Variants in BBS4 observed in about 807,000 individuals in gnomAD.
The protein encoded by BBS4 is Bardet-Biedl syndrome 4.
In BBS4, 58 loss-of-function variants were observed where a neutral mutation model predicts 71.4. That is an observed-to-expected ratio of 0.81 (90% CI 0.66 to 1.01). BBS4 has a LOEUF of 1.01. BBS4 is among the 50% of genes least tolerant of loss of function. The pLI, the probability that BBS4 is intolerant of heterozygous loss-of-function variation, is 0.00. For missense variants in BBS4, 660 were observed against 607.9 expected (o/e 1.09, Z -0.90); for synonymous variants, 228 against 216.8 (o/e 1.05, Z -0.46).
chr15:72,701,731 T>C (rs2065172518), intron 2 of BBS4, among the ~76,000 whole-genome samples: 1 of 152,230 alleles, frequency 6.6e-6, no homozygotes, highest in Non-Finnish European at 1.5e-5. Flanking sequence ...ACTGTAAGTA[T>C]GTATTTTTAA....
intron 4 of BBS4, among the ~76,000 whole-genome samples, chr15:72,714,648 T>C (rs145090794): frequency 3.5e-4 from 53 of 152,366 alleles, no homozygotes; most frequent in African/African-American, 1.2e-3. Flanking sequence ...TTTGTAGTCT[T>C]CAGATTAACA....
At chr15:72,734,162 G>A (rs2065878242) in intron 12 of BBS4, among the ~76,000 whole-genome samples, 1 of 152,158 alleles carries the variant, frequency 6.6e-6, no homozygotes, top group Non-Finnish European at 1.5e-5. Flanking sequence ...TATTAGACCT[G>A]CATGGTTTGC....
At chr15:72,720,925 A>G (rs371750227) in intron 6 of BBS4, among the ~76,000 whole-genome samples, 1 of 152,218 alleles carries the variant, frequency 6.6e-6, no homozygotes, top group Non-Finnish European at 1.5e-5. Flanking sequence ...TCAACTATCT[A>G]TGTCAAAGAT....
intron 8 of BBS4, among the ~76,000 whole-genome samples, chr15:72,725,697 CCCCTTCCCTTTCCCCGTTTT>C (rs1464330013): frequency 8.6e-6 from 1 of 116,100 alleles, no homozygotes; most frequent in Non-Finnish European, 1.7e-5. Flanking sequence ...TCCCCGTTTT[CCCCTTCCCTTTCCCCGTTTT>C]CCCTTCCCCC....
chr15:72,738,261 T>C lies in BBS4; in HGVS notation c.*674T>C, dbSNP rs1330168998. 2.2e-6 allele frequency: 1 copy of C among 454,044 alleles called. No individual in the cohort carries two copies. The highest frequency in any genetic ancestry group is 1.6e-5 in the South Asian group (1 of 64,462). The allele number at this position is 454,044 out of a possible 1,614,324, so 28.1% of individuals were successfully genotyped here. A position where few individuals can be genotyped will look rare whatever the true frequency, so the allele number is the denominator to read the frequency against. On this transcript the variant is annotated 3_prime_UTR_variant, in exon 16 of 16. Transcript: ENST00000268057. ...ATGAGGAGCAGCAGCCCAGGGCTTG[T>C]CTGGATCAGCACCAACGATTTTAAA...
chr15:72,695,345 T>A, intron 2 of BBS4, 117 bp downstream of exon 2: 1 of 665,934 alleles, frequency 1.5e-6, no homozygotes, highest in Non-Finnish European at 2.5e-6. Context: ...TGGAGTGCAG[T>A]AGCACAATCT....
chr15:72,726,069 T>C (rs558659647), intron 8 of BBS4, among the ~76,000 whole-genome samples: 1 of 141,228 alleles, frequency 7.1e-6, no homozygotes, highest in South Asian at 2.6e-4. Context: ...CCCATTCCCA[T>C]CTTTCTTTGT....
chr15:72,714,418 G>T (rs2065432651), intron 4 of BBS4, among the ~76,000 whole-genome samples: 1 of 151,936 alleles, frequency 6.6e-6, no homozygotes, highest in Admixed American at 6.6e-5. Flanking sequence ...TAGAGACAAG[G>T]TTTTGCCATA....
intron 13 of BBS4, 103 bp from the exon 14 acceptor site, chr15:72,735,720 ATC>A: frequency 7.0e-7 from 1 of 1,429,532 alleles, no homozygotes; most frequent in Middle Eastern, 1.9e-4. Flanking sequence ...TAATGGAGAA[ATC>A]TCTACTTAAC....
In BBS4 at chr15:72,698,947, G is replaced by A. The variant is rs191955736; in HGVS notation, c.76+3719G>A. On this transcript the variant is annotated intron_variant, in intron 2 of 15. Coordinates refer to ENST00000268057, the MANE Select transcript of BBS4 (RefSeq NM_033028.5). Reference sequence around the variant, plus strand: ...ACCTAATTCACCCTAAAGTCTACATGAAACCACTGTCACAGTCTTTGATAA... The same window carrying A: ...ACCTAATTCACCCTAAAGTCTACATAAAACCACTGTCACAGTCTTTGATAA... 2.6e-5 allele frequency among the ~76,000 whole-genome samples: 4 copies of A among 152,300 alleles called. No homozygotes were observed. The East Asian group carries it at 7.7e-4, about 29-fold the overall frequency.
intron 12 of BBS4, among the ~76,000 whole-genome samples, chr15:72,734,399 A>G (rs1228608665): frequency 6.6e-6 from 1 of 152,264 alleles, no homozygotes; most frequent in Non-Finnish European, 1.5e-5. Flanking sequence ...GCATGCAGCC[A>G]TGAAACTGCA....
chr15:72,689,469 A>G (rs1053598005), intron 1 of BBS4, among the ~76,000 whole-genome samples: 1 of 152,246 alleles, frequency 6.6e-6, no homozygotes, highest in Non-Finnish European at 1.5e-5. Context: ...TTGGTGGCTC[A>G]TGCCTGTAAT....
chr15:72,725,241 A>C (rs897220903), intron 8 of BBS4, among the ~76,000 whole-genome samples: 3 of 151,710 alleles, frequency 2.0e-5, no homozygotes, highest in African/African-American at 4.8e-5. Flanking sequence ...AAAAAAAAAA[A>C]CTGTTTTTGT....
chr15:72,718,408 G>A (rs2065505482), intron 6 of BBS4, among the ~76,000 whole-genome samples: 1 of 151,926 alleles, frequency 6.6e-6, no homozygotes, highest in Admixed American at 6.6e-5. Flanking sequence ...TATGCTGTTG[G>A]TATTTTTCAA....
At chr15:72,719,819 G>T (rs1205531182) in intron 6 of BBS4, among the ~76,000 whole-genome samples, 1 of 144,576 alleles carries the variant, frequency 6.9e-6, no homozygotes, top group African/African-American at 2.6e-5. Flanking sequence ...GCTCAATCTT[G>T]GCTCACTGCA....
At chr15:72,724,133 G>A in intron 7 of BBS4, among the ~76,000 whole-genome samples, 1 of 152,106 alleles carries the variant, frequency 6.6e-6, no homozygotes, top group South Asian at 2.1e-4. Context: ...ACATTGATGG[G>A]GAAACCTGGC....
rs1567433032 is a variant in BBS4, at chr15:72,735,189, A to C, written c.1106+7A>C. On this transcript the variant is annotated splice_region_variant and intron_variant, in intron 13 of 15. Transcript: ENST00000268057. ...AAGCAGTCCACCTGGATAAGTATGCACTTTGTTGAGAATGGTACTGGCGGG... is the reference window on the plus strand; with the variant it reads ...AAGCAGTCCACCTGGATAAGTATGCCCTTTGTTGAGAATGGTACTGGCGGG... The C allele has an allele frequency of 3.1e-6, 5 of 1,611,654 alleles. No homozygotes were observed. The highest frequency in any genetic ancestry group is 4.2e-6 in the Non-Finnish European group (5 of 1,177,978).
Position 72,737,510 on chromosome 15 carries a change from C to G in BBS4, c.1483C>G (p.Pro495Ala), listed in dbSNP as rs775803272. 6.2e-7 allele frequency: 1 copy of G among 1,613,122 alleles called. No homozygotes were observed. ...AGGAACATCCCAGTTCACAAAGCCC[C>G]CATCTCTTCCTCTGGAGCCAGAGCC... The part of the protein sequence containing the change: ...AGGTSQFTKP[P>A]SLPLEPEPAV... The change falls in exon 16 of 16, where the codon CCA becomes GCA. Residue 495 changes from proline (P) to alanine (A), a missense_variant. By Grantham distance (27) the Pro-to-Ala change is conservative. Transcript: ENST00000268057.
At chr15:72,729,004 A>G (rs1799510156) in intron 9 of BBS4, among the ~76,000 whole-genome samples, 1 of 152,140 alleles carries the variant, frequency 6.6e-6, no homozygotes, top group Non-Finnish European at 1.5e-5. Context: ...CATTTCCTGC[A>G]AAGAGGCATT....
Sources: gnomAD v4.1 joint callset for allele counts (sites outside exome capture counted in the v4.1 genomes callset) on GRCh38, gnomAD v4.1.1 for gene constraint, MANE v1.5 for transcripts, NCBI Gene and HGNC (gene_info 2026-07-23, HGNC 2026-07-21) for gene names.